HAPLN4: variants seen among roughly 807,000 people sequenced by gnomAD.
HAPLN4 encodes the protein hyaluronan and proteoglycan link protein 4, also known as brain link protein 2.
Under a neutral mutation model 28.0 loss-of-function variants are expected in HAPLN4, and 19 were observed. That is an observed-to-expected ratio of 0.68 (90% CI 0.47 to 1.00). HAPLN4 has a LOEUF of 1.00. HAPLN4 is among the 50% of genes least tolerant of loss of function. The pLI is 0.00. For missense variants in HAPLN4, 587 were observed against 602.6 expected (o/e 0.97, Z 0.27); for synonymous variants, 274 against 273.0 (o/e 1.00, Z -0.03).
chr19:19,255,816 C>T lies in HAPLN4; in HGVS notation c.*2001G>A, dbSNP rs999543952. On this transcript the variant is annotated 3_prime_UTR_variant, in exon 5 of 5. Coordinates refer to ENST00000291481, the MANE Select transcript of HAPLN4 (RefSeq NM_023002.3). ...GAATTCAAACCCAAACCGACCTGGT[C>T]CCAAAACTCAGAGATAGGTTTCCTA... 1 of 152,146 alleles carries T rather than the reference C, an allele frequency of 6.6e-6. No homozygotes were observed. Among genetic ancestry groups the T allele is most frequent in the African/African-American group, 2.4e-5 (1 of 41,420 alleles). 9.4% of individuals were successfully genotyped at this position (152,146 alleles called of 1,614,324 possible). A position where few individuals can be genotyped will look rare whatever the true frequency, so the allele number is the denominator to read the frequency against.
rs545704946 is a variant in HAPLN4, at chr19:19,260,896, G to A, written c.401C>T (p.Thr134Met). ...GDASLVLRNV[T>M]LQDYGRYECE... is the part of the protein sequence containing the mutation. ...CTCATAGCGCCCGTAGTCTTGCAGC[G>A]TGACGTTGCGGAGGACCAGGGAGGC... Residue 134 changes from threonine (T) to methionine (M), a missense_variant, in exon 3 of 5, where the codon ACG (threonine) becomes ATG (methionine). Thr to Met is a moderately conservative substitution (Grantham distance 81). Coordinates refer to ENST00000291481, the MANE Select transcript of HAPLN4 (RefSeq NM_023002.3). 6.8e-6 allele frequency: 11 copies of A among 1,614,100 alleles called. No homozygotes were observed. Among genetic ancestry groups the A allele is most frequent in the South Asian group, 3.3e-5 (3 of 91,092 alleles).
Position 19,258,782 on chromosome 19 carries a change from G to T in HAPLN4, c.558C>A (p.Ala186=), listed in dbSNP as rs149372573. The change falls in exon 4 of 5, where the codon GCC becomes GCA. Residue 186 remains alanine (A), a synonymous_variant. Coordinates refer to ENST00000291481, the MANE Select transcript of HAPLN4 (RefSeq NM_023002.3). This position sits in a 1 kb window ranked among gnomAD's most constrained non-coding sequence, Gnocchi z 6.2. ...CAGATGCCAGGATGCCGTCCTGCTC[G>T]GCGCACGCGCGCTGCGCCTCCGCGA... ...LTFAEAQRAC[A]EQDGILASAE... is the part of the protein sequence containing the mutation. The T allele has an allele frequency of 2.5e-6, 4 of 1,601,780 alleles. No individual in the cohort carries two copies. The African/African-American group carries it at 5.4e-5, about 21-fold the overall frequency.
intron 3 of HAPLN4, among the ~76,000 whole-genome samples, chr19:19,260,012 A>G (rs1333788384): frequency 6.6e-6 from 1 of 152,114 alleles, no homozygotes; most frequent in African/African-American, 2.4e-5. Flanking sequence ...TAAGCAGGGA[A>G]GTGAAAGCCT....
rs1298525052 is a variant in HAPLN4, at chr19:19,258,180, T to A, written c.846A>T (p.Arg282=). ...PGRVFFLKPL[R]PVPFSGAARA... is the part of the protein sequence containing the mutation. Reference sequence around the variant, plus strand: ...GCGCAGCTCCGGAGAAGGGTACAGGTCGCAGCGGCTTCAGGAAGAACACGC... The same window carrying A: ...GCGCAGCTCCGGAGAAGGGTACAGGACGCAGCGGCTTCAGGAAGAACACGC... Residue 282 remains arginine, a synonymous_variant, in exon 5 of 5, where the codon CGA becomes CGT. Coordinates refer to ENST00000291481, the MANE Select transcript of HAPLN4 (RefSeq NM_023002.3). The surrounding 1 kb of genome is among the most constrained non-coding windows in gnomAD (Gnocchi z 6.2). 5 of 1,514,646 alleles carry A rather than the reference T, an allele frequency of 3.3e-6. No homozygotes were observed. Among genetic ancestry groups the A allele is most frequent in the Non-Finnish European group, 4.4e-6 (5 of 1,134,174 alleles). 93.8% of individuals were successfully genotyped at this position (1,514,646 alleles called of 1,614,324 possible).
Position 19,261,105 on chromosome 19 carries a change from G to T in HAPLN4, c.192C>A (p.Ile64=). Residue 64 remains isoleucine (I), a synonymous_variant, in exon 3 of 5, where the codon ATC becomes ATA. Coordinates refer to ENST00000291481, the MANE Select transcript of HAPLN4 (RefSeq NM_023002.3). ...CATAGTGGTAGCGGCAGGGCAAGAC[G>T]ATGGTGCCACCACGGTGGCTTACCA... is the stretch of plus-strand genomic sequence containing the variant. ...GQVVSHRGGT[I]VLPCRYHYEA... 1 of 1,612,078 alleles carries T rather than the reference G, an allele frequency of 6.2e-7. No individual in the cohort carries two copies. The highest frequency in any genetic ancestry group is 8.5e-7 in the Non-Finnish European group (1 of 1,179,448).
Position 19,257,945 on chromosome 19 carries a change from C to T in HAPLN4, c.1081G>A (p.Val361Ile), listed in dbSNP as rs963005338. The T allele has an allele frequency of 2.0e-6, 3 of 1,515,352 alleles. No individual in the cohort carries two copies. Among genetic ancestry groups the T allele is most frequent in the South Asian group, 2.4e-5 (2 of 81,816 alleles). The allele number at this position is 1,515,352 out of a possible 1,614,324, so 93.9% of individuals were successfully genotyped here. A position where few individuals can be genotyped will look rare whatever the true frequency, so the allele number is the denominator to read the frequency against. Residue 361 changes from valine (V) to isoleucine (I), a missense_variant, in exon 5 of 5, where the codon GTC (valine) becomes ATC (isoleucine). Transcript: ENST00000291481. ...FPDATRRLFG[V>I]YCYRAPGAPD... ...GCTCCTGGAGCGCGGTAGCAGTAGACGCCGAAGAGCCGTCGGGTGGCGTCC... is the reference window on the plus strand; with the variant it reads ...GCTCCTGGAGCGCGGTAGCAGTAGATGCCGAAGAGCCGTCGGGTGGCGTCC...
chr19:19,256,820 A>G lies in HAPLN4; in HGVS notation c.*997T>C, dbSNP rs1270327457. The G allele has an allele frequency of 6.5e-6, 1 of 152,816 alleles. No homozygotes were observed. Among genetic ancestry groups the G allele is most frequent in the African/African-American group, 2.4e-5 (1 of 41,408 alleles). 9.5% of individuals were successfully genotyped at this position (152,816 alleles called of 1,614,324 possible). On this transcript the variant is annotated 3_prime_UTR_variant, in exon 5 of 5. Coordinates refer to ENST00000291481, the MANE Select transcript of HAPLN4 (RefSeq NM_023002.3). Reference sequence around the variant, plus strand: ...ATGAGATGAGAAATGTGTGGTATCCATGGTTACAGCTGGAGGAGGGAGGCA... The same window carrying G: ...ATGAGATGAGAAATGTGTGGTATCCGTGGTTACAGCTGGAGGAGGGAGGCA...
At position 19,261,553 on chromosome 19, in the gene HAPLN4, C is replaced by T. The variant is rs1242409224; in HGVS notation, c.14G>A (p.Arg5Gln). MVCA[R>Q]AALGPGALWA... ...GAGCGCGCCGGGACCGAGGGCCGCC[C>T]GAGCGCACACCTGGGGGGCGGGCAC... Residue 5 changes from arginine (R) to glutamine (Q), a missense_variant, in exon 2 of 5, where the codon CGG becomes CAG. By Grantham distance (43) the Arg-to-Gln change is conservative. Coordinates refer to ENST00000291481, the MANE Select transcript of HAPLN4 (RefSeq NM_023002.3). The T allele has an allele frequency of 6.5e-7, 1 of 1,542,268 alleles. No homozygotes were observed. The highest frequency in any genetic ancestry group is 1.2e-5 in the South Asian group (1 of 81,900).
In HAPLN4 at chr19:19,258,887, A is replaced by C; in HGVS notation, c.485-32T>G. 6.8e-7 allele frequency: 1 copy of C among 1,467,052 alleles called. No homozygotes were observed. The allele number at this position is 1,467,052 out of a possible 1,614,324, so 90.9% of individuals were successfully genotyped here. A position where few individuals can be genotyped will look rare whatever the true frequency, so the allele number is the denominator to read the frequency against. ...GGGGGCGCACGGGATCAGCAGGTAC[A>C]CCCCAGCCCACCCTCATGCACCTGA... is the stretch of plus-strand genomic sequence containing the variant. On this transcript the variant is annotated intron_variant, in intron 3 of 4. Coordinates refer to ENST00000291481, the MANE Select transcript of HAPLN4 (RefSeq NM_023002.3). This position sits in a 1 kb window ranked among gnomAD's most constrained non-coding sequence, Gnocchi z 6.2.
In HAPLN4 at chr19:19,257,786, C is replaced by T. The variant is rs755725629; in HGVS notation, c.*31G>A. 32 of 1,392,212 alleles carry T rather than the reference C, an allele frequency of 2.3e-5. No homozygotes were observed. In the South Asian group the frequency reaches 5.1e-4, roughly 22 times the overall value. 86.2% of individuals were successfully genotyped at this position (1,392,212 alleles called of 1,614,324 possible). A position where few individuals can be genotyped will look rare whatever the true frequency, so the allele number is the denominator to read the frequency against. ...GACCACAGGGCTCTAGACCAGTGGT[C>T]AAGCGCCCTGGCTGTCCGCCTACTC... On this transcript the variant is annotated 3_prime_UTR_variant, in exon 5 of 5. Transcript: ENST00000291481.
rs773386254 is a variant in HAPLN4 at position 19,261,543 on chromosome 19, G to A, written c.24C>T (p.Leu8=). 1.3e-6 allele frequency: 2 copies of A among 1,571,532 alleles called. No homozygotes were observed. The highest frequency in any genetic ancestry group is 8.6e-7 in the Non-Finnish European group (1 of 1,161,026). The change falls in exon 2 of 5, where the codon CTC becomes CTT. Residue 8 remains leucine, a synonymous_variant. Coordinates refer to ENST00000291481, the MANE Select transcript of HAPLN4 (RefSeq NM_023002.3). Reference sequence around the variant, plus strand: ...CCGCGGCCCAGAGCGCGCCGGGACCGAGGGCCGCCCGAGCGCACACCTGGG... The same window carrying A: ...CCGCGGCCCAGAGCGCGCCGGGACCAAGGGCCGCCCGAGCGCACACCTGGG... MVCARAA[L]GPGALWAAAW... is the part of the protein sequence containing the mutation.
intron 2 of HAPLN4, 132 bp from the exon 3 acceptor site, chr19:19,261,307 C>T: frequency 7.9e-7 from 1 of 1,260,916 alleles, no homozygotes; most frequent in Non-Finnish European, 1.1e-6. Flanking sequence ...TCCAGGGGCT[C>T]AGGGAGAGGG....
intron 1 of HAPLN4, 49 bp from the exon 2 acceptor site, chr19:19,261,612 T>G (rs1458611493): frequency 1.6e-5 from 20 of 1,265,958 alleles, no homozygotes; most frequent in Non-Finnish European, 2.1e-5. Flanking sequence ...GCCTTGGCTT[T>G]TCGGAGGCCT....
In HAPLN4 at chr19:19,257,631, G is replaced by T; in HGVS notation, c.*186C>A. 1.7e-6 allele frequency: 1 copy of T among 589,842 alleles called. No homozygotes were observed. Among genetic ancestry groups the T allele is most frequent in the Non-Finnish European group, 2.5e-6 (1 of 396,920 alleles). The allele number at this position is 589,842 out of a possible 1,614,324, so 36.5% of individuals were successfully genotyped here. On this transcript the variant is annotated 3_prime_UTR_variant, in exon 5 of 5. Transcript: ENST00000291481. Reference sequence around the variant, plus strand: ...GAGGTGAGGGCTGGCCAGGCTCCAGGGAACTCCAAAGTACTGTTCTGCCAG... The same window carrying T: ...GAGGTGAGGGCTGGCCAGGCTCCAGTGAACTCCAAAGTACTGTTCTGCCAG...
chr19:19,260,916 G>A lies in HAPLN4; in HGVS notation c.381C>T (p.Ser127=). The change falls in exon 3 of 5, where the codon TCC becomes TCT. Residue 127 remains serine (S), a synonymous_variant. Transcript: ENST00000291481. ...ELQGDGPGDA[S]LVLRNVTLQD... ...GCAGCGTGACGTTGCGGAGGACCAG[G>A]GAGGCATCCCCAGGCCCGTCGCCCT... 6.2e-7 allele frequency: 1 copy of A among 1,614,070 alleles called. No homozygotes were observed. The highest frequency in any genetic ancestry group is 1.1e-5 in the South Asian group (1 of 91,092).
At chr19:19,261,227 C>T (rs777845921) in intron 2 of HAPLN4, 52 bp from the exon 3 acceptor site, 2 of 1,547,740 alleles carry the variant, frequency 1.3e-6, no homozygotes, top group East Asian at 2.3e-5. Flanking sequence ...CAGAAGGGGG[C>T]CTCTGGGGAA....
In HAPLN4 at chr19:19,255,686, G is replaced by C. The variant is rs896452861; in HGVS notation, c.*2131C>G. 1 of 152,256 alleles carries C rather than the reference G, an allele frequency of 6.6e-6. No individual in the cohort carries two copies. The highest frequency in any genetic ancestry group is 2.4e-5 in the African/African-American group (1 of 41,460). 9.4% of individuals were successfully genotyped at this position (152,256 alleles called of 1,614,324 possible). On this transcript the variant is annotated 3_prime_UTR_variant, in exon 5 of 5. Transcript: ENST00000291481. ...AACAAGGATTTATTGAGCCCCTACT[G>C]TATGCTTGGCACTCACGGGGACCAC...
Position 19,258,449 on chromosome 19 carries a change from C to A in HAPLN4, c.817+74G>T. ...GTCTCCTGTTTCTGATCGCTAAGAG[C>A]TGGGTGGGGAAGAAGGCCCCGGGGT... On this transcript the variant is annotated intron_variant, in intron 4 of 4. Transcript: ENST00000291481. The surrounding 1 kb of genome is among the most constrained non-coding windows in gnomAD (Gnocchi z 6.2). The A allele has an allele frequency of 2.7e-6, 4 of 1,457,134 alleles. No individual in the cohort carries two copies. Among genetic ancestry groups the A allele is most frequent in the Non-Finnish European group, 3.8e-6 (4 of 1,055,446 alleles). The allele number at this position is 1,457,134 out of a possible 1,614,324, so 90.3% of individuals were successfully genotyped here. A position where few individuals can be genotyped will look rare whatever the true frequency, so the allele number is the denominator to read the frequency against.
At chr19:19,261,765 TC>T in intron 1 of HAPLN4, 32 of 467,000 alleles carry the variant, frequency 6.9e-5, no homozygotes, top group East Asian at 1.2e-4. Flanking sequence ...GCCCCTAGAC[TC>T]CCCCCCGCCC....
Sources: gnomAD v4.1 joint callset for allele counts (sites outside exome capture counted in the v4.1 genomes callset) on GRCh38, gnomAD v4.1.1 for gene constraint, Gnocchi (gnomAD v3.1) non-coding constraint, MANE v1.5 for transcripts, NCBI Gene and HGNC (gene_info 2026-07-23, HGNC 2026-07-21) for gene names.